The following LMBRD1 variants were observed in gnomAD, a reference collection of about 807,000 sequenced individuals.
LMBRD1 encodes the protein LMBR1 domain containing 1, also known as lysosomal cobalamin transport escort protein LMBD1.
LMBRD1 carries 64 observed loss-of-function variants against 74.8 expected under a neutral mutation model. The observed-to-expected ratio is 0.86, with a 90% confidence interval of 0.70 to 1.05. The LOEUF (loss-of-function observed/expected upper bound fraction) is 1.05. Ranked by LOEUF, LMBRD1 falls within the 50% of genes least tolerant of loss-of-function variation. The pLI is 0.00. For missense variants in LMBRD1, 652 were observed against 645.9 expected (o/e 1.01, Z -0.10); for synonymous variants, 204 against 216.3 (o/e 0.94, Z 0.50).
intron 7 of LMBRD1, among the ~76,000 whole-genome samples, chr6:69,727,608 G>A (rs2149862141): frequency 6.6e-6 from 1 of 152,146 alleles, no homozygotes; most frequent in South Asian, 2.1e-4. Flanking sequence ...TCACAATTTG[G>A]GTGATGGCTA....
chr6:69,752,327 A>C lies in LMBRD1; in HGVS notation c.337T>G (p.Phe113Val). 2 of 1,610,256 alleles carry C rather than the reference A, an allele frequency of 1.2e-6. No homozygotes were observed. Among genetic ancestry groups the C allele is most frequent in the Non-Finnish European group, 1.7e-6 (2 of 1,176,946 alleles). ...AAGTAGACAAAAGGGATCCAGAAGA[A>C]CACACAGAACAATATAACAGAATAT... ...TLYSVILFCV[F>V]FWIPFVYFYY... The change falls in exon 4 of 16, where the codon TTC becomes GTC. Residue 113 changes from phenylalanine (F) to valine (V), a missense_variant. By Grantham distance (50) the Phe-to-Val change is conservative. This residue lies in a region of LMBRD1 where 598 missense variants were observed against 581.8 expected (regional missense o/e 1.03). Transcript: ENST00000649934.
chr6:69,741,359 T>C (rs1172623546), intron 6 of LMBRD1, among the ~76,000 whole-genome samples: 1 of 151,926 alleles, frequency 6.6e-6, no homozygotes, highest in Non-Finnish European at 1.5e-5. Flanking sequence ...AATGACGAGT[T>C]AGAAAAACTG....
intron 3 of LMBRD1, among the ~76,000 whole-genome samples, chr6:69,771,789 T>C (rs920636992): frequency 6.6e-6 from 1 of 152,082 alleles, no homozygotes; most frequent in African/African-American, 2.4e-5. Context: ...CTGACTGCTA[T>C]ATTGTCAGTA....
At chr6:69,764,652 T>C (rs908188563) in intron 3 of LMBRD1, among the ~76,000 whole-genome samples, 1 of 152,200 alleles carries the variant, frequency 6.6e-6, no homozygotes, top group African/African-American at 2.4e-5. Flanking sequence ...TGTTCAAATT[T>C]TTGCTTATTT....
chr6:69,698,875 G>A (rs957819978), intron 13 of LMBRD1, among the ~76,000 whole-genome samples, 168 bp downstream of exon 13: 37 of 151,772 alleles, frequency 2.4e-4, no homozygotes, highest in African/African-American at 8.4e-4. Flanking sequence ...ACAACAGTAT[G>A]AAACAAATAT....
At chr6:69,754,126 T>A (rs1234769761) in intron 3 of LMBRD1, among the ~76,000 whole-genome samples, 1 of 146,870 alleles carries the variant, frequency 6.8e-6, no homozygotes, top group African/African-American at 2.5e-5. Context: ...ACGGTGGTTG[T>A]CAGAAGGAGA....
intron 14 of LMBRD1, among the ~76,000 whole-genome samples, chr6:69,680,857 C>T (rs1375822872): frequency 6.6e-6 from 1 of 152,064 alleles, no homozygotes; most frequent in African/African-American, 2.4e-5. Context: ...GAGTGCCGTT[C>T]TTCACCATCT....
chr6:69,679,071 C>CA (rs34563596), intron 14 of LMBRD1, among the ~76,000 whole-genome samples: 50,622 of 149,186 alleles, frequency 0.34, 9,609 homozygotes, highest in East Asian at 0.54. Flanking sequence ...AACAAACAAA[C>CA]AAAAAAAATC....
At chr6:69,715,417 T>C (rs1468770569) in intron 8 of LMBRD1, among the ~76,000 whole-genome samples, 2 of 152,138 alleles carry the variant, frequency 1.3e-5, no homozygotes, top group Non-Finnish European at 2.9e-5. Context: ...GCATTGCCAA[T>C]TGACTAAACG....
intron 9 of LMBRD1, among the ~76,000 whole-genome samples, chr6:69,703,696 A>G (rs1196644549): frequency 6.6e-6 from 1 of 152,112 alleles, no homozygotes; most frequent in Non-Finnish European, 1.5e-5. Context: ...CCTAAAAGCT[A>G]CATATTATAC....
chr6:69,759,361 A>G (rs1040860154), intron 3 of LMBRD1, among the ~76,000 whole-genome samples: 6 of 152,122 alleles, frequency 3.9e-5, no homozygotes, highest in Non-Finnish European at 1.5e-5. Context: ...GACAAGAATA[A>G]TAAGACAAAG....
intron 8 of LMBRD1, among the ~76,000 whole-genome samples, chr6:69,715,635 C>T (rs1377362241): frequency 6.6e-6 from 1 of 152,072 alleles, no homozygotes; most frequent in Non-Finnish European, 1.5e-5. Context: ...ATTCCCCTTT[C>T]CTATGGTTTT....
rs765143100 is a variant in LMBRD1 at position 69,697,659 on chromosome 6, A to T, written c.1339-18T>A. The T allele has an allele frequency of 2.8e-6, 4 of 1,435,222 alleles. No individual in the cohort carries two copies. The African/African-American group carries it at 4.2e-5, about 15-fold the overall frequency. 88.9% of individuals were successfully genotyped at this position (1,435,222 alleles called of 1,614,324 possible). A position where few individuals can be genotyped will look rare whatever the true frequency, so the allele number is the denominator to read the frequency against. On this transcript the variant is annotated intron_variant, in intron 13 of 15. Transcript: ENST00000649934. ...ATATTAGTCTGAAAGATAAAAATAC[A>T]GTTAAAATATAAAAACCGCATTAAT... is the stretch of plus-strand genomic sequence containing the variant.
chr6:69,677,320 T>C (rs980530977), intron 14 of LMBRD1, among the ~76,000 whole-genome samples: 1 of 152,182 alleles, frequency 6.6e-6, no homozygotes, highest in Non-Finnish European at 1.5e-5. Context: ...AATGAGGGTC[T>C]TATGACCTAC....
At chr6:69,684,339 A>G (rs1033477722) in intron 14 of LMBRD1, among the ~76,000 whole-genome samples, 7 of 152,034 alleles carry the variant, frequency 4.6e-5, no homozygotes, top group African/African-American at 1.7e-4. Flanking sequence ...CAAACAATCA[A>G]TTGAAGATAT....
intron 1 of LMBRD1, among the ~76,000 whole-genome samples, chr6:69,794,324 C>T (rs1347896692): frequency 6.6e-6 from 1 of 152,180 alleles, no homozygotes; most frequent in Non-Finnish European, 1.5e-5. Context: ...CTGTGCTTCA[C>T]AAAGCAGCAT....
At chr6:69,685,966 G>GGGAT (rs1365168540) in intron 14 of LMBRD1, among the ~76,000 whole-genome samples, 1 of 152,048 alleles carries the variant, frequency 6.6e-6, no homozygotes, top group Non-Finnish European at 1.5e-5. Context: ...TGATGGAAAG[G>GGGAT]GGATGTAAGG....
At chr6:69,749,050 A>G (rs2149875987) in intron 5 of LMBRD1, among the ~76,000 whole-genome samples, 1 of 152,158 alleles carries the variant, frequency 6.6e-6, no homozygotes, top group South Asian at 2.1e-4. Context: ...TAACAGGCAG[A>G]TTACCAAGAA....
intron 9 of LMBRD1, among the ~76,000 whole-genome samples, chr6:69,707,139 G>A (rs1265875631): frequency 6.6e-6 from 1 of 152,096 alleles, no homozygotes; most frequent in African/African-American, 2.4e-5. Context: ...CGTTTCTTAA[G>A]GCTGCTTGCA....
Sources: gnomAD v4.1 joint callset for allele counts (sites outside exome capture counted in the v4.1 genomes callset) on GRCh38, gnomAD v4.1.1 for gene constraint, gnomAD v4.1.1 regional missense constraint, MANE v1.5 for transcripts, NCBI Gene and HGNC (gene_info 2026-07-23, HGNC 2026-07-21) for gene names.